KLHL14: variants seen among roughly 807,000 people sequenced by gnomAD.
KLHL14 encodes kelch like family member 14.
KLHL14 carries 22 observed loss-of-function variants against 64.3 expected under a neutral mutation model. The ratio of observed to expected loss-of-function variants is 0.34; its 90% confidence interval spans 0.24 to 0.49. The LOEUF (loss-of-function observed/expected upper bound fraction) is 0.49. Among genes scored for constraint, KLHL14 ranks in the 20% least tolerant of loss-of-function variants. The pLI, the probability that KLHL14 is intolerant of heterozygous loss-of-function variation, is 0.99. For synonymous variants in KLHL14, 322 were observed against 333.4 expected (o/e 0.97, Z 0.37); for missense variants, 661 against 789.0 (o/e 0.84, Z 1.94).
chr18:32,731,922 T>C (rs1376883671), intron 3 of KLHL14, among the ~76,000 whole-genome samples: 1 of 152,118 alleles, frequency 6.6e-6, no homozygotes, highest in Non-Finnish European at 1.5e-5. Context: ...AAACCTCCTT[T>C]TAATATAAAT....
At chr18:32,701,418 G>T (rs371185127) in intron 3 of KLHL14, among the ~76,000 whole-genome samples, 1 of 152,160 alleles carries the variant, frequency 6.6e-6, no homozygotes, top group African/African-American at 2.4e-5. Context: ...GAAGCAGTTG[G>T]TGCAGAAGTG....
chr18:32,733,666 A>T lies in KLHL14; in HGVS notation c.1069+8262T>A, dbSNP rs2050147893. 2 of 154,170 alleles carry T rather than the reference A, an allele frequency of 1.3e-5. 1 individual carries two copies. Among genetic ancestry groups the T allele is most frequent in the South Asian group, 4.1e-4 (2 of 4,934 alleles). 9.6% of individuals were successfully genotyped at this position (154,170 alleles called of 1,614,324 possible). A position where few individuals can be genotyped will look rare whatever the true frequency, so the allele number is the denominator to read the frequency against. The stretch of plus-strand genomic sequence containing the variant: ...AAACTCTTCCGCTCCCAGGAAGAGC[A>T]TATTCATCAGGGTCACTTCAGACAT... On this transcript the variant is annotated intron_variant, in intron 3 of 8. Transcript: ENST00000359358.
intron 3 of KLHL14, among the ~76,000 whole-genome samples, chr18:32,722,260 CA>C (rs2050083680): frequency 1.3e-5 from 2 of 151,910 alleles, no homozygotes; most frequent in African/African-American, 4.8e-5. Context: ...CATTTTCCTT[CA>C]GCATTTTATG....
At chr18:32,742,384 T>TTAAG (rs1177898627) in intron 2 of KLHL14, among the ~76,000 whole-genome samples, 2 of 152,310 alleles carry the variant, frequency 1.3e-5, no homozygotes, top group East Asian at 3.9e-4. Flanking sequence ...TGTACTAAGG[T>TTAAG]TAAGCATTAA....
At chr18:32,679,645 GA>G (rs1032272974) in intron 7 of KLHL14, among the ~76,000 whole-genome samples, 49 of 151,764 alleles carry the variant, frequency 3.2e-4, no homozygotes, top group Middle Eastern at 3.4e-3. Context: ...GTTTTTTATT[GA>G]AAAAAAGCAA....
Position 32,737,553 on chromosome 18 carries a change from A to G in KLHL14, c.1069+4375T>C, listed in dbSNP as rs537050672. 3 of 152,164 alleles carry G rather than the reference A, an allele frequency of 2.0e-5. No homozygotes were observed. The South Asian group carries it at 6.2e-4, about 31-fold the overall frequency. The allele number at this position is 152,164 out of a possible 1,614,324, so 9.4% of individuals were successfully genotyped here. A position where few individuals can be genotyped will look rare whatever the true frequency, so the allele number is the denominator to read the frequency against. On this transcript the variant is annotated intron_variant, in intron 3 of 8. Coordinates refer to ENST00000359358, the MANE Select transcript of KLHL14 (RefSeq NM_020805.3). Reference sequence around the variant, plus strand: ...TGTCTTATACAAGCTTTGTTTGCTCATGACTATTCCGTCACCATTTATAGA... The same window carrying G: ...TGTCTTATACAAGCTTTGTTTGCTCGTGACTATTCCGTCACCATTTATAGA...
Position 32,693,413 on chromosome 18 carries a change from C to CACACACACACACAGAG in KLHL14, c.1159+2049_1159+2050insCTCTGTGTGTGTGTGT, listed in dbSNP as rs1229737083. ...ACACACACACACACACACACACACACAGAGAGAGAGAGAGAGAGAGAGAGA... is the reference window on the plus strand; with the variant it reads ...ACACACACACACACACACACACACACACACACACACACAGAGAGAGAGAGAGAGAGAGAGAGAGAGA... On this transcript the variant is annotated intron_variant, in intron 4 of 8. Coordinates refer to ENST00000359358, the MANE Select transcript of KLHL14 (RefSeq NM_020805.3). 1.8e-3 allele frequency among the ~76,000 whole-genome samples: 175 copies of CACACACACACACAGAG among 97,022 alleles called. 1 individual carries two copies. Among genetic ancestry groups the CACACACACACACAGAG allele is most frequent in the African/African-American group, 7.9e-3 (164 of 20,666 alleles). The allele number at this position is 97,022 out of a possible 152,430, so 63.7% of individuals were successfully genotyped here. A position where few individuals can be genotyped will look rare whatever the true frequency, so the allele number is the denominator to read the frequency against.
At chr18:32,693,108 G>A (rs1161084135) in intron 4 of KLHL14, among the ~76,000 whole-genome samples, 3 of 152,100 alleles carry the variant, frequency 2.0e-5, no homozygotes, top group Non-Finnish European at 2.9e-5. Flanking sequence ...TCATGGTCAC[G>A]GCGGCTCCTC....
intron 3 of KLHL14, among the ~76,000 whole-genome samples, chr18:32,724,736 G>A (rs80030714): frequency 1.3e-5 from 2 of 152,202 alleles, no homozygotes; most frequent in African/African-American, 2.4e-5. Context: ...TCAATGCAGA[G>A]TGTCATATGG....
intron 3 of KLHL14, among the ~76,000 whole-genome samples, chr18:32,720,490 A>C (rs1245342592): frequency 1.3e-5 from 2 of 152,178 alleles, no homozygotes; most frequent in African/African-American, 4.8e-5. Flanking sequence ...TTTAAGGCCA[A>C]ATGGAGATGT....
At chr18:32,713,537 T>C (rs1189582624) in intron 3 of KLHL14, among the ~76,000 whole-genome samples, 1 of 152,210 alleles carries the variant, frequency 6.6e-6, no homozygotes, top group Non-Finnish European at 1.5e-5. Context: ...GAGAATCCCT[T>C]GAGCCCAGGA....
intron 8 of KLHL14, 128 bp from the exon 9 acceptor site, chr18:32,674,925 A>G (rs934624276): frequency 1.2e-5 from 7 of 581,126 alleles, no homozygotes; most frequent in African/African-American, 5.5e-5. Context: ...AATAATTCCA[A>G]ATGAAAGCAA....
At position 32,763,685 on chromosome 18, in the gene KLHL14, C is replaced by T. The variant is rs138597662; in HGVS notation, c.947+5960G>A. ...CAACAACAGGTTGTGTGTATGTTTG[C>T]GTGTGTGTAATCATCTTTAAAATTA... On this transcript the variant is annotated intron_variant, in intron 2 of 8. Transcript: ENST00000359358. 2.9e-3 allele frequency among the ~76,000 whole-genome samples: 447 copies of T among 152,300 alleles called. 1 individual carries two copies. The highest frequency in any genetic ancestry group is 4.3e-3 in the Non-Finnish European group (294 of 68,012).
In KLHL14 at chr18:32,683,425, G is replaced by A. The variant is rs1322403701; in HGVS notation, c.1239-2826C>T. Among the ~76,000 whole-genome samples, 1 of 152,112 alleles carries A rather than the reference G, an allele frequency of 6.6e-6. No individual in the cohort carries two copies. The highest frequency in any genetic ancestry group is 1.5e-5 in the Non-Finnish European group (1 of 68,022). On this transcript the variant is annotated intron_variant, in intron 5 of 8. Coordinates refer to ENST00000359358, the MANE Select transcript of KLHL14 (RefSeq NM_020805.3). This position sits in a 1 kb window ranked among gnomAD's most constrained non-coding sequence, Gnocchi z 4.2. ...TTAGAAACCTGATTGTTAATGGTCTGCCAGCAACTGTGAACATTCACTGTA... is the reference window on the plus strand; with the variant it reads ...TTAGAAACCTGATTGTTAATGGTCTACCAGCAACTGTGAACATTCACTGTA...
At chr18:32,743,988 C>G (rs1336097837) in intron 2 of KLHL14, 2 of 152,078 alleles carry the variant, frequency 1.3e-5, no homozygotes, top group African/African-American at 4.8e-5. Context: ...TGTAGACAGA[C>G]CTGTTCAACT....
At chr18:32,707,925 C>G (rs1222569725) in intron 3 of KLHL14, among the ~76,000 whole-genome samples, 3 of 152,126 alleles carry the variant, frequency 2.0e-5, no homozygotes, top group African/African-American at 7.2e-5. Flanking sequence ...CTTGAGGATT[C>G]CTGATACAGT....
At chr18:32,747,260 G>C (rs1446071599) in intron 2 of KLHL14, among the ~76,000 whole-genome samples, 1 of 152,144 alleles carries the variant, frequency 6.6e-6, no homozygotes, top group African/African-American at 2.4e-5. Context: ...GGACCAGAGG[G>C]ATGGTTTCAG....
chr18:32,765,936 C>G (rs1404391477), intron 2 of KLHL14, among the ~76,000 whole-genome samples: 1 of 151,920 alleles, frequency 6.6e-6, no homozygotes, highest in African/African-American at 2.4e-5. Context: ...AACTACACTT[C>G]GATATGGAAC....
intron 3 of KLHL14, among the ~76,000 whole-genome samples, chr18:32,708,252 T>C (rs2050000450): frequency 6.6e-6 from 1 of 152,184 alleles, no homozygotes; most frequent in Admixed American, 6.6e-5. Context: ...TTCCTGAGAA[T>C]CCACTAGTGC....
Sources: gnomAD v4.1 joint callset for allele counts (sites outside exome capture counted in the v4.1 genomes callset) on GRCh38, gnomAD v4.1.1 for gene constraint, Gnocchi (gnomAD v3.1) non-coding constraint, MANE v1.5 for transcripts, NCBI Gene and HGNC (gene_info 2026-07-23, HGNC 2026-07-21) for gene names.